MICU3: variants seen among roughly 807,000 people sequenced by gnomAD.
MICU3 encodes calcium uptake protein 3, mitochondrial.
A neutral mutation model predicts 66.5 loss-of-function variants in MICU3; 62 were observed. The observed-to-expected ratio is 0.93, with a 90% confidence interval of 0.76 to 1.15. The LOEUF is 1.15. Ranked by LOEUF, MICU3 falls within the 50% of genes most tolerant of loss-of-function variation. The probability of loss-of-function intolerance (pLI) is 0.00; values close to 1 mark genes in which losing one functional copy is unlikely to be tolerated. For missense variants in MICU3, 779 were observed against 664.4 expected (o/e 1.17, Z -1.90); for synonymous variants, 308 against 240.7 (o/e 1.28, Z -2.59).
intron 1 of MICU3, among the ~76,000 whole-genome samples, chr8:17,039,726 A>C (rs1207793407): frequency 1.3e-5 from 2 of 151,936 alleles, no homozygotes; most frequent in Non-Finnish European, 2.9e-5. Context: ...TTGAGAAATG[A>C]ATGCTATTTT....
intron 2 of MICU3, among the ~76,000 whole-genome samples, chr8:17,066,634 C>G (rs1008430073): frequency 6.7e-6 from 1 of 149,828 alleles, no homozygotes; most frequent in African/African-American, 2.5e-5. Context: ...CCTCAACCTC[C>G]GAGGCTCAAG....
chr8:17,098,115 T>C (rs1290016922), intron 8 of MICU3, among the ~76,000 whole-genome samples: 1 of 151,796 alleles, frequency 6.6e-6, no homozygotes. Context: ...CCAAACAAAT[T>C]TACTTCACAC....
At chr8:17,123,913 A>G (rs1803333361), downstream of MICU3, among the ~76,000 whole-genome samples, 1 of 150,038 alleles carries the variant, frequency 6.7e-6, no homozygotes, top group African/African-American at 2.4e-5. Context: ...TTAAAGTTAT[A>G]TGCATATATT....
chr8:17,101,773 CA>C (rs1801276125), intron 9 of MICU3, among the ~76,000 whole-genome samples: 1 of 151,682 alleles, frequency 6.6e-6, no homozygotes, highest in Non-Finnish European at 1.5e-5. Flanking sequence ...TATGTAATTT[CA>C]ACAGCAAAAA....
At chr8:17,033,597 C>T (rs2150489107) in intron 1 of MICU3, among the ~76,000 whole-genome samples, 1 of 152,176 alleles carries the variant, frequency 6.6e-6, no homozygotes, top group East Asian at 1.9e-4. Flanking sequence ...CCACCACACC[C>T]AGCTAATTTT....
At chr8:17,046,316 GATGATGGGGAGAACCTCCTCAT>G (rs1815078039) in intron 1 of MICU3, among the ~76,000 whole-genome samples, 3 of 152,178 alleles carry the variant, frequency 2.0e-5, no homozygotes, top group South Asian at 4.1e-4. Context: ...TTGATTGCTT[GATGATGGGGAGAACCTCCTCAT>G]ACCTCACATT....
chr8:17,058,451 T>C (rs1585269299), intron 1 of MICU3, among the ~76,000 whole-genome samples: 1 of 152,324 alleles, frequency 6.6e-6, no homozygotes, highest in South Asian at 2.1e-4. Flanking sequence ...TGATACAAGA[T>C]CATTGTCATT....
chr8:17,102,540 T>A (rs906873893), intron 9 of MICU3: 4 of 151,940 alleles, frequency 2.6e-5, no homozygotes, highest in African/African-American at 7.3e-5. Flanking sequence ...ACCCATGTCT[T>A]CTAATTTTAA....
intron 11 of MICU3, among the ~76,000 whole-genome samples, chr8:17,111,988 AC>A (rs1802242470): frequency 6.6e-6 from 1 of 152,174 alleles, no homozygotes; most frequent in Admixed American, 6.5e-5. Context: ...AAGAGAGAAC[AC>A]ACAGGAAAAA....
At chr8:17,108,694 C>G (rs1801946683) in intron 11 of MICU3, among the ~76,000 whole-genome samples, 1 of 152,284 alleles carries the variant, frequency 6.6e-6, no homozygotes, top group South Asian at 2.1e-4. Context: ...GAATTTCCCC[C>G]CAGATCATCC....
chr8:17,065,524 A>G (rs936393637), intron 2 of MICU3, among the ~76,000 whole-genome samples: 1 of 152,182 alleles, frequency 6.6e-6, no homozygotes, highest in Non-Finnish European at 1.5e-5. Flanking sequence ...AGATGAATGG[A>G]CAAAAGGCTT....
intron 1 of MICU3, among the ~76,000 whole-genome samples, chr8:17,051,624 C>T (rs1049824860): frequency 6.6e-6 from 1 of 152,088 alleles, no homozygotes; most frequent in Admixed American, 6.6e-5. Context: ...TGAAATCTTA[C>T]AAACAGAAAA....
chr8:17,128,288 A>T, the MICU3 span, among the ~76,000 whole-genome samples: 1 of 151,906 alleles, frequency 6.6e-6, no homozygotes, highest in Non-Finnish European at 1.5e-5. Flanking sequence ...AGCAGAAGAA[A>T]CTATCCCAAA....
intron 2 of MICU3, among the ~76,000 whole-genome samples, chr8:17,066,033 C>A (rs1024703189): frequency 6.6e-6 from 1 of 150,794 alleles, no homozygotes; most frequent in African/African-American, 2.4e-5. Flanking sequence ...ATATGTAGGG[C>A]CATATAGTGA....
chr8:17,038,776 A>G (rs1360869188), intron 1 of MICU3, among the ~76,000 whole-genome samples: 6 of 152,028 alleles, frequency 3.9e-5, no homozygotes, highest in African/African-American at 1.2e-4. Context: ...ACACGGTGAA[A>G]CCCCGTCTCT....
chr8:17,070,389 A>G (rs1262043067), intron 3 of MICU3, among the ~76,000 whole-genome samples: 2 of 152,110 alleles, frequency 1.3e-5, no homozygotes, highest in Non-Finnish European at 2.9e-5. Context: ...ACAAAGTATA[A>G]TTCTATTTGT....
At chr8:17,100,427 C>A (rs1462297583) in intron 9 of MICU3, among the ~76,000 whole-genome samples, 1 of 151,630 alleles carries the variant, frequency 6.6e-6, no homozygotes, top group Non-Finnish European at 1.5e-5. Context: ...TCTGTTACTA[C>A]CCTCCCACAT....
At chr8:17,137,543 G>A in the MICU3 span, among the ~76,000 whole-genome samples, 3 of 148,810 alleles carry the variant, frequency 2.0e-5, no homozygotes, top group South Asian at 2.1e-4. Context: ...AAAAAAGGGG[G>A]CCCTGTATTT....
At chr8:17,073,572 GT>G (rs1395311048) in intron 3 of MICU3, among the ~76,000 whole-genome samples, 2 of 152,122 alleles carry the variant, frequency 1.3e-5, no homozygotes, top group African/African-American at 4.8e-5. Flanking sequence ...TAGAAATAGA[GT>G]GCACAATAAA....
Sources: allele counts gnomAD v4.1 joint callset (sites outside exome capture counted in the v4.1 genomes callset), GRCh38; gene constraint gnomAD v4.1.1; transcripts MANE v1.5; gene names NCBI Gene and HGNC (gene_info 2026-07-23, HGNC 2026-07-21).